Variants in THADA observed in about 807,000 individuals in gnomAD.
THADA encodes the protein THADA armadillo repeat containing, also known as tRNA (32-2'-O)-methyltransferase regulator THADA.
In THADA, 213 loss-of-function variants were observed where a neutral mutation model predicts 219.8. That is an observed-to-expected ratio of 0.97 (90% CI 0.87 to 1.09). The LOEUF (loss-of-function observed/expected upper bound fraction) is 1.09. THADA is among the 50% of genes least tolerant of loss of function. THADA has a pLI of 0.00. For missense variants in THADA, 2,956 were observed against 2,311.3 expected (o/e 1.28, Z -5.72); for synonymous variants, 1,018 against 828.9 (o/e 1.23, Z -3.92).
Position 43,586,716 on chromosome 2 carries a change from T to C in THADA, c.470A>G (p.Asn157Ser), listed in dbSNP as rs375247905. 19 of 1,612,298 alleles carry C rather than the reference T, an allele frequency of 1.2e-5. No individual in the cohort carries two copies. Among genetic ancestry groups the C allele is most frequent in the African/African-American group, 6.7e-5 (5 of 74,930 alleles). Residue 157 changes from asparagine (N) to serine (S), a missense_variant, in exon 6 of 38, where the codon AAT becomes AGT. Coordinates refer to ENST00000405975, the MANE Select transcript of THADA (RefSeq NM_022065.5). ...ATAGGACTTACCATTTTTAAGCAGA[T>C]TATTAACACTTGCTCTACCTGTAGA... ...NFNLGRASVN[N>S]LLKNVLHFLQ... is the part of the protein sequence containing the mutation.
chr2:43,405,407 G>A (rs1675416071), intron 28 of THADA, among the ~76,000 whole-genome samples: 1 of 152,166 alleles, frequency 6.6e-6, no homozygotes. Context: ...ATATGTTTTT[G>A]TTATAAATGT....
intron 19 of THADA, 80 bp downstream of exon 19, chr2:43,551,709 A>G (rs1696769277): frequency 1.5e-6 from 2 of 1,306,916 alleles, no homozygotes; most frequent in Non-Finnish European, 2.0e-6. Flanking sequence ...CCCCAAAGAA[A>G]TACTTGGGGA....
intron 28 of THADA, among the ~76,000 whole-genome samples, chr2:43,420,171 T>C (rs747962675): frequency 6.6e-6 from 1 of 152,228 alleles, no homozygotes; most frequent in Non-Finnish European, 1.5e-5. Context: ...TGCCTTGCTA[T>C]TTGGGAAAGC....
At chr2:43,432,294 T>C (rs540116356) in intron 26 of THADA, among the ~76,000 whole-genome samples, 6 of 152,310 alleles carry the variant, frequency 3.9e-5, no homozygotes, top group Non-Finnish European at 8.8e-5. Flanking sequence ...CCAGCAATAA[T>C]ACGTTTTTTT....
chr2:43,550,826 G>C (rs565244539), intron 19 of THADA, among the ~76,000 whole-genome samples: 1 of 152,026 alleles, frequency 6.6e-6, no homozygotes, highest in African/African-American at 2.4e-5. Context: ...AATCTAAAGC[G>C]ACAAAATTTA....
At chr2:43,543,377 T>C (rs1335224030) in intron 20 of THADA, among the ~76,000 whole-genome samples, 1 of 150,746 alleles carries the variant, frequency 6.6e-6, no homozygotes, top group African/African-American at 2.5e-5. Flanking sequence ...TATAGTCCTT[T>C]GGGTATATAC....
rs754404966 is a variant in THADA, at chr2:43,508,707, C to T, written c.3448G>A (p.Asp1150Asn). 57 of 1,613,556 alleles carry T rather than the reference C, an allele frequency of 3.5e-5. No homozygotes were observed. The highest frequency in any genetic ancestry group is 4.7e-5 in the Non-Finnish European group (56 of 1,179,712). Reference protein sequence around the residue: ...WSVLEEIKCSDPSSKLCATRR... With the variant: ...WSVLEEIKCSNPSSKLCATRR... ...GTAGCACAGAGTTTAGATGAAGGAT[C>T]ACTGCATTTAATTTCCTCTAAAACA... Residue 1150 changes from aspartate (D) to asparagine (N), a missense_variant, in exon 23 of 38, where the codon GAT becomes AAT. By Grantham distance (23) the Asp-to-Asn change is conservative (BLOSUM62 1). Coordinates refer to ENST00000405975, the MANE Select transcript of THADA (RefSeq NM_022065.5).
chr2:43,484,035 A>G (rs1002354257), intron 26 of THADA, among the ~76,000 whole-genome samples: 17 of 152,028 alleles, frequency 1.1e-4, no homozygotes, highest in Admixed American at 9.8e-4. Context: ...GCTAAAAAAT[A>G]AAAATTATAA....
At chr2:43,589,867 A>C (rs2104174139) in intron 4 of THADA, among the ~76,000 whole-genome samples, 1 of 152,324 alleles carries the variant, frequency 6.6e-6, no homozygotes, top group Non-Finnish European at 1.5e-5. Flanking sequence ...TCATAAAAAA[A>C]AAAGGTTAAG....
intron 36 of THADA, among the ~76,000 whole-genome samples, chr2:43,237,829 T>G (rs1284243039): frequency 6.6e-6 from 1 of 151,794 alleles, no homozygotes; most frequent in Non-Finnish European, 1.5e-5. Flanking sequence ...GAAACTGGGC[T>G]TTGTCAGACT....
chr2:43,456,432 G>A (rs1683005911), intron 26 of THADA, among the ~76,000 whole-genome samples: 1 of 152,148 alleles, frequency 6.6e-6, no homozygotes, highest in African/African-American at 2.4e-5. Flanking sequence ...GTGGGAATGA[G>A]GAAATGCAAA....
intron 26 of THADA, among the ~76,000 whole-genome samples, chr2:43,481,539 T>C (rs1420732286): frequency 6.6e-6 from 1 of 152,176 alleles, no homozygotes; most frequent in Admixed American, 6.5e-5. Flanking sequence ...CCCCAACATA[T>C]ACTCCACTCA....
Position 43,292,833 on chromosome 2 carries a change from C to T in THADA, c.4818+1G>A, listed in dbSNP as rs772393754. 4.3e-6 allele frequency: 7 copies of T among 1,610,770 alleles called. No individual in the cohort carries two copies. The South Asian group carries it at 4.4e-5, about 10-fold the overall frequency. On this transcript the variant is annotated splice_donor_variant, in intron 32 of 37. Coordinates refer to ENST00000405975, the MANE Select transcript of THADA (RefSeq NM_022065.5). LOFTEE classifies it high-confidence loss of function. ...GCCAGTCAGTACGTTGGAGACTTTA[C>T]CTTGCAGAAGCATTCTGGGTGATTT...
At position 43,350,682 on chromosome 2, in the gene THADA, T is replaced by C. The variant is rs528078659; in HGVS notation, c.4228-6445A>G. On this transcript the variant is annotated intron_variant, in intron 29 of 37. Transcript: ENST00000405975. ...CTTGGGATACCTGAATTCCTCAACC[T>C]GGTCATTCCCCAGAAGAAAGTGCTT... 1.0e-3 allele frequency among the ~76,000 whole-genome samples: 158 copies of C among 152,362 alleles called. 1 individual carries two copies. Among genetic ancestry groups the C allele is most frequent in the African/African-American group, 3.6e-3 (151 of 41,590 alleles).
In THADA at chr2:43,581,835, T is replaced by C; in HGVS notation, c.627A>G (p.Gln209=). 4 of 1,613,098 alleles carry C rather than the reference T, an allele frequency of 2.5e-6. No homozygotes were observed. The highest frequency in any genetic ancestry group is 2.2e-5 in the East Asian group (1 of 44,824). Residue 209 remains glutamine, a synonymous_variant, in exon 8 of 38, where the codon CAA becomes CAG. Coordinates refer to ENST00000405975, the MANE Select transcript of THADA (RefSeq NM_022065.5). ...TCTTCCAAAGATTTCCCTGGAAATCTTGTACTTTCTGTACTAACATCATTG... is the reference window on the plus strand; with the variant it reads ...TCTTCCAAAGATTTCCCTGGAAATCCTGTACTTTCTGTACTAACATCATTG... ...RVSMMLVQKV[Q]DFQGNLWKTS...
rs1243145217 is a variant in THADA, at chr2:43,293,190, C to T, written c.4462G>A (p.Glu1488Lys). Reference protein sequence around the residue: ...QPVLESLGFWEEVRGIISGSE... With the variant: ...QPVLESLGFWKEVRGIISGSE... ...CCTGAGATAATCCCTCTGACTTCCT[C>T]CCAGAAGCCAAGACTCTCCAGAACT... The change falls in exon 32 of 38, where the codon GAG becomes AAG. Residue 1488 changes from glutamate to lysine, a missense_variant. Physicochemically the swap from Glu to Lys is moderately conservative, Grantham distance 56. Coordinates refer to ENST00000405975, the MANE Select transcript of THADA (RefSeq NM_022065.5). 1 of 1,612,066 alleles carries T rather than the reference C, an allele frequency of 6.2e-7. No homozygotes were observed. The highest frequency in any genetic ancestry group is 2.2e-5 in the East Asian group (1 of 44,820).
intron 25 of THADA, among the ~76,000 whole-genome samples, chr2:43,491,574 T>C (rs1687642606): frequency 1.3e-5 from 2 of 152,206 alleles, no homozygotes; most frequent in South Asian, 4.1e-4. Context: ...GACATACAAA[T>C]AATTAACACT....
At position 43,313,358 on chromosome 2, in the gene THADA, C is replaced by T. The variant is rs189179101; in HGVS notation, c.4438+7088G>A. On this transcript the variant is annotated intron_variant, in intron 31 of 37. Coordinates refer to ENST00000405975, the MANE Select transcript of THADA (RefSeq NM_022065.5). Reference sequence around the variant, plus strand: ...TGACTCCACTTGCACAAGCTGGTCACTTTTAAGACATTTAAAAGAAAAATA... The same window carrying T: ...TGACTCCACTTGCACAAGCTGGTCATTTTTAAGACATTTAAAAGAAAAATA... Among the ~76,000 whole-genome samples, 260 of 152,328 alleles carry T rather than the reference C, an allele frequency of 1.7e-3. 3 individuals carry two copies. Among genetic ancestry groups the T allele is most frequent in the Middle Eastern group, 0.01 (3 of 294 alleles).
intron 26 of THADA, among the ~76,000 whole-genome samples, chr2:43,432,810 T>C (rs367878610): frequency 1.2e-4 from 19 of 152,230 alleles, no homozygotes; most frequent in African/African-American, 4.3e-4. Flanking sequence ...GCTTTGGTCA[T>C]TATTATGACC....
Sources: allele counts gnomAD v4.1 joint callset (sites outside exome capture counted in the v4.1 genomes callset), GRCh38; gene constraint gnomAD v4.1.1; transcripts MANE v1.5; gene names NCBI Gene and HGNC (gene_info 2026-07-23, HGNC 2026-07-21).